COL5A3: variants seen among roughly 807,000 people sequenced by gnomAD.
COL5A3 encodes the protein collagen alpha-3(V) chain.
COL5A3 carries 172 observed loss-of-function variants against 250.0 expected under a neutral mutation model. The observed-to-expected ratio is 0.69, with a 90% CI of 0.61 to 0.78. COL5A3 has a LOEUF of 0.78. Among genes scored for constraint, COL5A3 ranks in the 30% least tolerant of loss-of-function variants. The pLI, the probability that COL5A3 is intolerant of heterozygous loss-of-function variation, is 0.00. For missense variants in COL5A3, 2,340 were observed against 2,334.4 expected (o/e 1.00, Z -0.05); for synonymous variants, 937 against 900.4 (o/e 1.04, Z -0.73).
At chr19:9,974,280 C>T (rs1207796682) in intron 46 of COL5A3, 21 bp downstream of exon 46, 8 of 1,609,402 alleles carry the variant, frequency 5.0e-6, no homozygotes, top group Non-Finnish European at 5.9e-6. Flanking sequence ...AGAAGTGCCA[C>T]CCCCAAACCC....
intron 15 of COL5A3, among the ~76,000 whole-genome samples, 185 bp from the exon 16 acceptor site, chr19:9,995,802 T>A (rs968396342): frequency 6.6e-6 from 1 of 152,140 alleles, no homozygotes; most frequent in East Asian, 1.9e-4. Flanking sequence ...TGTACCCAGC[T>A]TGGAAGGACA....
At chr19:10,004,483 A>G (rs1364245440) in intron 4 of COL5A3, among the ~76,000 whole-genome samples, 1 of 152,206 alleles carries the variant, frequency 6.6e-6, no homozygotes, top group Non-Finnish European at 1.5e-5. Context: ...GGCGTGTGCC[A>G]CCACGCCCAG....
At chr19:9,986,236 T>A (rs1475732984) in intron 30 of COL5A3, 79 bp downstream of exon 30, 5 of 1,011,506 alleles carry the variant, frequency 4.9e-6, no homozygotes, top group East Asian at 2.4e-5. Flanking sequence ...GTCGAAGGTA[T>A]AATAAAAGGG....
rs2086649545 is a variant in COL5A3, at chr19:9,960,077, G to T, written c.*334C>A. 1 of 305,238 alleles carries T rather than the reference G, an allele frequency of 3.3e-6. No homozygotes were observed. Among genetic ancestry groups the T allele is most frequent in the Non-Finnish European group, 6.3e-6 (1 of 159,616 alleles). The allele number at this position is 305,238 out of a possible 1,614,324, so 18.9% of individuals were successfully genotyped here. A position where few individuals can be genotyped will look rare whatever the true frequency, so the allele number is the denominator to read the frequency against. On this transcript the variant is annotated 3_prime_UTR_variant, in exon 67 of 67. Coordinates refer to ENST00000264828, the MANE Select transcript of COL5A3 (RefSeq NM_015719.4). ...GAGTGAGGAGGCAGGCATTGGGGGT[G>T]GGGGGGCTTTTGTTCATCAGCTCTG...
chr19:9,973,107 G>T, intron 50 of COL5A3, 81 bp from the exon 51 acceptor site: 1 of 1,305,654 alleles, frequency 7.7e-7, no homozygotes, highest in Non-Finnish European at 1.1e-6. Context: ...TCAGGCATTG[G>T]GGTGGTCTGG....
At chr19:9,965,694 CTG>C (rs200307827) in intron 64 of COL5A3, among the ~76,000 whole-genome samples, 29,721 of 150,872 alleles carry the variant, frequency 0.2, 3,098 homozygotes, top group South Asian at 0.33. Flanking sequence ...CTCAGGTGAT[CTG>C]CCCCCGCTTG....
intron 16 of COL5A3, among the ~76,000 whole-genome samples, chr19:9,994,658 G>A (rs2087245125): frequency 7.4e-6 from 1 of 135,132 alleles, no homozygotes; most frequent in African/African-American, 2.7e-5. Flanking sequence ...TGCATCAGTG[G>A]GCAATTTTGT....
At position 9,960,365 on chromosome 19, in the gene COL5A3, A is replaced by G; in HGVS notation, c.*46T>C. The G allele has an allele frequency of 1.9e-6, 3 of 1,611,054 alleles. No homozygotes were observed. The highest frequency in any genetic ancestry group is 2.2e-5 in the South Asian group (2 of 91,002). ...GCTTCAAAGCCTCAGCACCAAATGC[A>G]CCCCATTCTGGGGCTCCCTCATGGT... On this transcript the variant is annotated 3_prime_UTR_variant, in exon 67 of 67. Transcript: ENST00000264828.
In COL5A3 at chr19:10,003,725, G is replaced by A. The variant is rs1294505336; in HGVS notation, c.700-11C>T. On this transcript the variant is annotated splice_polypyrimidine_tract_variant and intron_variant, in intron 5 of 66. Transcript: ENST00000264828. Reference sequence around the variant, plus strand: ...TTCACCCTGGGGAGCCTGGGAGAAGGGTTCCAGTCAGGTCTAGAGCATCCC... The same window carrying A: ...TTCACCCTGGGGAGCCTGGGAGAAGAGTTCCAGTCAGGTCTAGAGCATCCC... The A allele has an allele frequency of 4.3e-6, 7 of 1,613,784 alleles. No individual in the cohort carries two copies. The highest frequency in any genetic ancestry group is 5.1e-6 in the Non-Finnish European group (6 of 1,180,026).
At chr19:9,984,843 T>A (rs886164291) in intron 31 of COL5A3, among the ~76,000 whole-genome samples, 6 of 151,826 alleles carry the variant, frequency 4.0e-5, no homozygotes, top group African/African-American at 7.3e-5. Flanking sequence ...CACGCTGGGG[T>A]GCAGTGGCTC....
intron 64 of COL5A3, among the ~76,000 whole-genome samples, chr19:9,963,782 T>G (rs2086703029): frequency 6.6e-6 from 1 of 152,062 alleles, no homozygotes; most frequent in African/African-American, 2.4e-5. Flanking sequence ...AGTCTTGCAC[T>G]CCGGGCCCAG....
At position 9,982,117 on chromosome 19, in the gene COL5A3, C is replaced by A. The variant is rs1324053339; in HGVS notation, c.2408G>T (p.Gly803Val). 5 of 1,597,760 alleles carry A rather than the reference C, an allele frequency of 3.1e-6. No individual in the cohort carries two copies. The highest frequency in any genetic ancestry group is 4.3e-6 in the Non-Finnish European group (5 of 1,172,378). ...PGYPGRPGPK[G>V]SIGFPGPLGP... The stretch of plus-strand genomic sequence containing the variant: ...CAGGGGACCGGGAAATCCAATAGAT[C>A]CCTGAGTGGAGAGAATTAGAAAGAA... The change falls in exon 32 of 67, where the codon GGA becomes GTA. Residue 803 changes from glycine to valine, a missense_variant and splice_region_variant. This residue lies in a region of COL5A3 where 1,152 missense variants were observed against 1,146.3 expected (regional missense o/e 1.00). Transcript: ENST00000264828.
chr19:9,974,443 T>C, intron 45 of COL5A3, 35 bp from the exon 46 acceptor site: 1 of 1,508,338 alleles, frequency 6.6e-7, no homozygotes, highest in Non-Finnish European at 9.0e-7. Context: ...ATTTAAGGTC[T>C]GGGTCAGTGA....
chr19:9,961,195 C>G (rs1286747242), intron 65 of COL5A3, among the ~76,000 whole-genome samples: 1 of 152,182 alleles, frequency 6.6e-6, no homozygotes, highest in Non-Finnish European at 1.5e-5. Flanking sequence ...AGACACAACT[C>G]TGCCTCCACT....
At chr19:9,960,596 AGGTGGCC>A (rs1273716932) in intron 66 of COL5A3, 39 bp from the exon 67 acceptor site, 1 of 1,613,622 alleles carries the variant, frequency 6.2e-7, no homozygotes, top group South Asian at 1.1e-5. Flanking sequence ...GTTACCGGGA[AGGTGGCC>A]GACATCTTGC....
At position 9,970,630 on chromosome 19, in the gene COL5A3, CG is replaced by C. The variant is rs1599534400; in HGVS notation, c.3927del (p.Gly1310AlafsTer83). On this transcript the variant is annotated frameshift_variant, in exon 54 of 67. Coordinates refer to ENST00000264828, the MANE Select transcript of COL5A3 (RefSeq NM_015719.4). LOFTEE classifies it high-confidence loss of function. Reference protein sequence around the residue: ...ASGEPGAPGPPGKRGPSGHMG... With the variant: ...ASGEPGAPGPXGKRGPSGHMG... ...GGTGGCTTATCACTTACCCTCTTGC[CG>C]GGGGGCCCGGGGGCGCCGGGCTCCC... The C allele has an allele frequency of 2.2e-5, 32 of 1,445,910 alleles. No individual in the cohort carries two copies. The highest frequency in any genetic ancestry group is 6.3e-5 in the South Asian group (4 of 63,684). 89.6% of individuals were successfully genotyped at this position (1,445,910 alleles called of 1,614,324 possible).
At position 9,962,865 on chromosome 19, in the gene COL5A3, T is replaced by G; in HGVS notation, c.4805A>C (p.Lys1602Thr). Residue 1602 changes from lysine to threonine, a missense_variant, in exon 65 of 67, where the codon AAG becomes ACG. Lys to Thr is a moderately conservative substitution (Grantham distance 78, BLOSUM62 -1). Transcript: ENST00000264828. ...FEIVKLASWSKEKPGGWYSTF... is the reference protein window; with the variant it reads ...FEIVKLASWSTEKPGGWYSTF... ...GCTATACCAGCCTCCAGGCTTTTCC[T>G]TGGACCAGGAGGCCAATTTCACCTG... The G allele has an allele frequency of 6.2e-7, 1 of 1,611,252 alleles. No homozygotes were observed.
In COL5A3 at chr19:9,973,785, C is replaced by T; in HGVS notation, c.3583G>A (p.Val1195Ile). The stretch of plus-strand genomic sequence containing the variant: ...TCACCCACGGCGCCTGGCTGACCAA[C>T]TCCTCCAGGCAGCCCTGGAGTGCCC... ...SEGTPGLPGGVGQPGAVGEKG... is the reference protein window; with the variant it reads ...SEGTPGLPGGIGQPGAVGEKG... The change falls in exon 49 of 67, where the codon GTT (valine) becomes ATT (isoleucine). Residue 1195 changes from valine to isoleucine, a missense_variant. By Grantham distance (29) the Val-to-Ile change is conservative. This residue lies in a region of COL5A3 where 1,179 missense variants were observed against 1,162.6 expected (regional missense o/e 1.01). Coordinates refer to ENST00000264828, the MANE Select transcript of COL5A3 (RefSeq NM_015719.4). 2 of 1,614,088 alleles carry T rather than the reference C, an allele frequency of 1.2e-6. No homozygotes were observed. Among genetic ancestry groups the T allele is most frequent in the Non-Finnish European group, 1.7e-6 (2 of 1,179,986 alleles).
intron 5 of COL5A3, 91 bp from the exon 6 acceptor site, chr19:10,003,805 G>A (rs945420917): frequency 1.5e-5 from 23 of 1,526,370 alleles, no homozygotes; most frequent in East Asian, 6.8e-5. Flanking sequence ...CTCATGGCCC[G>A]TGGGTCCTCA....
Sources: gnomAD v4.1 joint callset for allele counts (sites outside exome capture counted in the v4.1 genomes callset) on GRCh38, gnomAD v4.1.1 for gene constraint, gnomAD v4.1.1 regional missense constraint, MANE v1.5 for transcripts, NCBI Gene and HGNC (gene_info 2026-07-23, HGNC 2026-07-21) for gene names.